ZEB1: variants seen among roughly 807,000 people sequenced by gnomAD.
ZEB1 encodes the protein zinc finger E-box-binding homeobox 1.
A neutral mutation model predicts 84.9 loss-of-function variants in ZEB1; 21 were observed. The observed-to-expected ratio is 0.25, with a 90% CI of 0.18 to 0.36. The LOEUF (loss-of-function observed/expected upper bound fraction) is 0.36, where lower values mean the gene tolerates loss of function less well. Ranked by LOEUF, ZEB1 falls within the 10% of genes least tolerant of loss-of-function variation. The pLI is 1.00. For synonymous variants in ZEB1, 420 were observed against 471.1 expected (o/e 0.89, Z 1.41); for missense variants, 1,104 against 1,330.2 (o/e 0.83, Z 2.65).
intron 1 of ZEB1, among the ~76,000 whole-genome samples, chr10:31,368,467 A>G (rs1308367528): frequency 6.9e-6 from 1 of 144,026 alleles, no homozygotes; most frequent in African/African-American, 2.6e-5. Flanking sequence ...ATCCTCTTGT[A>G]TACGTTAAAT....
At chr10:31,456,615 A>G (rs1003180054) in intron 1 of ZEB1, among the ~76,000 whole-genome samples, 1 of 152,150 alleles carries the variant, frequency 6.6e-6, no homozygotes, top group Non-Finnish European at 1.5e-5. Context: ...GCCTTTGCAC[A>G]TAATGAAGTA....
At chr10:31,408,949 T>C (rs1218403592) in intron 1 of ZEB1, among the ~76,000 whole-genome samples, 1 of 149,340 alleles carries the variant, frequency 6.7e-6, no homozygotes, top group Non-Finnish European at 1.5e-5. Context: ...ACCATCAGAG[T>C]GAACAGGCAA....
intron 1 of ZEB1, among the ~76,000 whole-genome samples, chr10:31,423,707 T>A (rs1182231805): frequency 6.6e-6 from 1 of 152,108 alleles, no homozygotes; most frequent in East Asian, 1.9e-4. Flanking sequence ...GCTGGCTATA[T>A]AGCAAGTTTG....
intron 2 of ZEB1, among the ~76,000 whole-genome samples, chr10:31,466,136 A>G (rs1363930820): frequency 6.6e-6 from 1 of 152,254 alleles, no homozygotes; most frequent in Non-Finnish European, 1.5e-5. Flanking sequence ...TAAAGAAAAA[A>G]TATAACTGAA....
intron 1 of ZEB1, among the ~76,000 whole-genome samples, chr10:31,395,978 A>G (rs1310085288): frequency 1.3e-5 from 2 of 152,184 alleles, no homozygotes; most frequent in African/African-American, 2.4e-5. Flanking sequence ...AATCATGATC[A>G]TGCACTTCAG....
intron 1 of ZEB1, among the ~76,000 whole-genome samples, chr10:31,410,126 C>G (rs1032780717): frequency 6.6e-6 from 1 of 152,102 alleles, no homozygotes; most frequent in Non-Finnish European, 1.5e-5. Context: ...GCCCATTCAG[C>G]ATGATATTGG....
intron 1 of ZEB1, among the ~76,000 whole-genome samples, chr10:31,454,626 CAG>C (rs1424739795): frequency 2.0e-5 from 3 of 152,162 alleles, no homozygotes; most frequent in Non-Finnish European, 2.9e-5. Flanking sequence ...ACACCAATAA[CAG>C]AGAACCAAAT....
At chr10:31,481,270 T>C (rs2065007547) in intron 2 of ZEB1, among the ~76,000 whole-genome samples, 1 of 151,990 alleles carries the variant, frequency 6.6e-6, no homozygotes, top group Non-Finnish European at 1.5e-5. Flanking sequence ...CAGATAAATA[T>C]GAAAATATAG....
At chr10:31,338,615 T>C (rs2038714846) in intron 1 of ZEB1, among the ~76,000 whole-genome samples, 1 of 152,174 alleles carries the variant, frequency 6.6e-6, no homozygotes, top group African/African-American at 2.4e-5. Context: ...ATTATTCCCT[T>C]TGTTTGATCT....
intron 1 of ZEB1, among the ~76,000 whole-genome samples, chr10:31,445,560 G>C (rs1033970392): frequency 1.1e-4 from 17 of 152,044 alleles, no homozygotes; most frequent in Non-Finnish European, 4.4e-5. Context: ...GTCTGTCATA[G>C]ATAGCTCTTA....
intron 1 of ZEB1, among the ~76,000 whole-genome samples, chr10:31,325,763 T>G (rs2035340850): frequency 6.6e-6 from 1 of 152,026 alleles, no homozygotes. Flanking sequence ...GTCCTCTGTT[T>G]TCTCTTTTTA....
chr10:31,458,336 T>TGTGTGTGTGTG (rs1554882634), intron 1 of ZEB1, among the ~76,000 whole-genome samples: 2 of 102,288 alleles, frequency 2.0e-5, no homozygotes, highest in African/African-American at 1.7e-4. Flanking sequence ...TGTGTGTGTG[T>TGTGTGTGTGTG]TGTGTGTGTG....
intron 1 of ZEB1, among the ~76,000 whole-genome samples, chr10:31,419,052 T>C (rs936012319): frequency 2.0e-5 from 3 of 152,106 alleles, no homozygotes; most frequent in Admixed American, 6.5e-5. Context: ...CTGAGCAAAA[T>C]AGACACAATC....
chr10:31,448,956 T>C (rs985948432), intron 1 of ZEB1, among the ~76,000 whole-genome samples: 5 of 152,224 alleles, frequency 3.3e-5, no homozygotes, highest in African/African-American at 7.2e-5. Flanking sequence ...TGGAGCTTCC[T>C]GGCTGCTTTG....
intron 6 of ZEB1, among the ~76,000 whole-genome samples, chr10:31,519,247 G>A (rs2071793005): frequency 6.6e-6 from 1 of 152,100 alleles, no homozygotes; most frequent in Non-Finnish European, 1.5e-5. Flanking sequence ...AAAACTCAAA[G>A]GAAACATTAG....
intron 1 of ZEB1, among the ~76,000 whole-genome samples, chr10:31,439,578 T>A (rs910348588): frequency 1.3e-5 from 2 of 152,052 alleles, no homozygotes; most frequent in Admixed American, 1.3e-4. Context: ...GAATGGAACT[T>A]GCATTGTAGT....
intron 1 of ZEB1, among the ~76,000 whole-genome samples, chr10:31,388,868 A>G (rs2049116762): frequency 6.6e-6 from 1 of 152,104 alleles, no homozygotes; most frequent in Admixed American, 6.6e-5. Context: ...AATGAAAATT[A>G]TAAGGTGGGT....
chr10:31,473,169 C>T (rs1251324943), intron 2 of ZEB1, among the ~76,000 whole-genome samples: 1 of 151,190 alleles, frequency 6.6e-6, no homozygotes, highest in Non-Finnish European at 1.5e-5. Context: ...TGCCCTCTCT[C>T]ACCACTCCTA....
Position 31,460,437 on chromosome 10 carries a change from A to T in ZEB1, c.59-600A>T, listed in dbSNP as rs1435077089. On this transcript the variant is annotated intron_variant, in intron 1 of 8. Coordinates refer to ENST00000424869, the MANE Select transcript of ZEB1 (RefSeq NM_001174096.2). ...GTAATGCATGGATCATTAACAGCTTAAAAATACTTGTGGTAAACTTGATGA... is the reference window on the plus strand; with the variant it reads ...GTAATGCATGGATCATTAACAGCTTTAAAATACTTGTGGTAAACTTGATGA... Among the ~76,000 whole-genome samples the T allele has an allele frequency of 2.6e-5, 4 of 152,272 alleles. 1 individual carries two copies. Among genetic ancestry groups the T allele is most frequent in the Admixed American group, 2.0e-4 (3 of 15,284 alleles).
Sources: gnomAD v4.1 joint callset for allele counts (sites outside exome capture counted in the v4.1 genomes callset) on GRCh38, gnomAD v4.1.1 for gene constraint, MANE v1.5 for transcripts, NCBI Gene and HGNC (gene_info 2026-07-23, HGNC 2026-07-21) for gene names.